The following TRIQK variants were observed in gnomAD, a reference collection of about 807,000 sequenced individuals.
TRIQK encodes the protein triple QxxK/R motif containing.
A neutral mutation model predicts 10.8 loss-of-function variants in TRIQK; 10 were observed. That is an observed-to-expected ratio of 0.92 (90% CI 0.57 to 1.57). The LOEUF (loss-of-function observed/expected upper bound fraction) is 1.57, where lower values mean the gene tolerates loss of function less well. TRIQK is among the 40% of genes most tolerant of loss of function. The probability of loss-of-function intolerance (pLI) is 0.00; values close to 1 mark genes in which losing one functional copy is unlikely to be tolerated. For missense variants in TRIQK, 107 were observed against 97.7 expected (o/e 1.09, Z -0.40); for synonymous variants, 33 against 33.7 (o/e 0.98, Z 0.07).
intron 4 of TRIQK, among the ~76,000 whole-genome samples, chr8:92,890,200 A>G (rs937805985): frequency 6.6e-6 from 1 of 151,822 alleles, no homozygotes; most frequent in African/African-American, 2.4e-5. Context: ...CAAATTAATT[A>G]GTATGCCAGA....
intron 1 of TRIQK, among the ~76,000 whole-genome samples, chr8:92,959,639 T>C (rs1307411260): frequency 6.6e-6 from 1 of 152,012 alleles, no homozygotes; most frequent in Admixed American, 6.6e-5. Flanking sequence ...GCTCCTCAAC[T>C]TACCGTGGGT....
chr8:93,015,779 T>A (rs1483215586), intron 1 of TRIQK, among the ~76,000 whole-genome samples: 1 of 152,036 alleles, frequency 6.6e-6, no homozygotes, highest in Non-Finnish European at 1.5e-5. Flanking sequence ...TCTATTCAAC[T>A]GATATAAATG....
At chr8:93,008,066 C>T (rs1403819855) in intron 1 of TRIQK, among the ~76,000 whole-genome samples, 1 of 152,120 alleles carries the variant, frequency 6.6e-6, no homozygotes, top group Non-Finnish European at 1.5e-5. Flanking sequence ...CATGTTCTCA[C>T]TTATAAGTGG....
chr8:93,001,457 T>C (rs142576390), intron 1 of TRIQK, among the ~76,000 whole-genome samples: 1 of 151,786 alleles, frequency 6.6e-6, no homozygotes, highest in Non-Finnish European at 1.5e-5. Context: ...TCGATGCAAA[T>C]AGAAACCAAA....
Position 92,915,375 on chromosome 8 carries a change from G to T in TRIQK, c.61+1554C>A, listed in dbSNP as rs537092008. Among the ~76,000 whole-genome samples, 62 of 152,094 alleles carry T rather than the reference G, an allele frequency of 4.1e-4. 1 individual carries two copies. Among genetic ancestry groups the T allele is most frequent in the Admixed American group, 3.9e-3 (60 of 15,272 alleles). ...TAGGACTCTTACCACACACAGAAAA[G>T]GTACTATGTGAGATGATGCATATTT... On this transcript the variant is annotated intron_variant, in intron 3 of 4. Coordinates refer to ENST00000521988, the MANE Select transcript of TRIQK (RefSeq NM_001171797.2).
intron 3 of TRIQK, among the ~76,000 whole-genome samples, chr8:92,915,893 A>C (rs1438022569): frequency 6.6e-6 from 1 of 152,012 alleles, no homozygotes; most frequent in Non-Finnish European, 1.5e-5. Context: ...ATTTTGCTTT[A>C]TAGAGCGTAC....
At chr8:92,998,559 ATTTG>A (rs1813176172) in intron 1 of TRIQK, among the ~76,000 whole-genome samples, 2 of 152,046 alleles carry the variant, frequency 1.3e-5, no homozygotes, top group African/African-American at 4.8e-5. Context: ...AAACTCCCCC[ATTTG>A]GTGAAAAGGA....
chr8:92,976,880 T>C (rs538022749), intron 1 of TRIQK, among the ~76,000 whole-genome samples: 132 of 152,126 alleles, frequency 8.7e-4, no homozygotes, highest in African/African-American at 3.0e-3. Flanking sequence ...ATTTCACATA[T>C]AGTTAAAGAA....
intron 1 of TRIQK, among the ~76,000 whole-genome samples, chr8:92,994,966 C>T (rs1395465649): frequency 6.6e-6 from 1 of 151,974 alleles, no homozygotes; most frequent in African/African-American, 2.4e-5. Flanking sequence ...TACTAATTCA[C>T]AGTCACAATA....
At chr8:93,006,034 CAAAA>C (rs58693078) in intron 1 of TRIQK, among the ~76,000 whole-genome samples, 20,597 of 130,942 alleles carry the variant, frequency 0.16, 1,438 homozygotes, top group East Asian at 0.23. Flanking sequence ...AAAAAATAAG[CAAAA>C]AAAAAAAAAA....
chr8:92,955,681 A>G (rs1468577939), intron 1 of TRIQK, among the ~76,000 whole-genome samples: 3 of 151,812 alleles, frequency 2.0e-5, no homozygotes, highest in Admixed American at 6.6e-5. Flanking sequence ...TATATATAAT[A>G]AAAGTCTTAT....
chr8:92,960,177 C>T (rs1048225468), intron 1 of TRIQK, among the ~76,000 whole-genome samples: 4 of 151,886 alleles, frequency 2.6e-5, no homozygotes, highest in African/African-American at 7.3e-5. Flanking sequence ...ATACTCTGTT[C>T]TTTTCTTCAG....
chr8:92,922,832 A>G (rs1810256901), intron 2 of TRIQK, among the ~76,000 whole-genome samples: 4 of 151,684 alleles, frequency 2.6e-5, no homozygotes, highest in Admixed American at 2.6e-4. Flanking sequence ...TTAGAGAAAA[A>G]CTGGTTTAAA....
chr8:92,993,636 A>C (rs1200480495), intron 1 of TRIQK, among the ~76,000 whole-genome samples: 1 of 152,126 alleles, frequency 6.6e-6, no homozygotes, highest in Non-Finnish European at 1.5e-5. Context: ...CCATCCAATC[A>C]TGGAGATATC....
At chr8:92,930,096 G>T (rs1810634425) in intron 2 of TRIQK, among the ~76,000 whole-genome samples, 1 of 150,604 alleles carries the variant, frequency 6.6e-6, no homozygotes, top group African/African-American at 2.4e-5. Flanking sequence ...GATTACAATA[G>T]GCTGGGCACA....
At chr8:92,947,164 T>C (rs1811580727) in intron 2 of TRIQK, among the ~76,000 whole-genome samples, 1 of 152,166 alleles carries the variant, frequency 6.6e-6, no homozygotes, top group Non-Finnish European at 1.5e-5. Context: ...TACAAAAATC[T>C]AGTTATTAAG....
upstream of TRIQK, among the ~76,000 whole-genome samples, chr8:92,970,889 G>T (rs1812867975): frequency 6.6e-6 from 1 of 152,094 alleles, no homozygotes; most frequent in Non-Finnish European, 1.5e-5. Context: ...GTCCTGAATG[G>T]TACTGCCTAG....
intron 1 of TRIQK, among the ~76,000 whole-genome samples, chr8:92,996,041 C>G (rs1201245119): frequency 2.0e-5 from 3 of 152,058 alleles, no homozygotes; most frequent in African/African-American, 7.2e-5. Context: ...GATCTTCATT[C>G]TCACCAGTTT....
chr8:92,965,675 CGCTGGCAGG>C (rs1458099229), intron 1 of TRIQK: 4 of 152,482 alleles, frequency 2.6e-5, no homozygotes, highest in Admixed American at 2.6e-4. Flanking sequence ...GCGCCAGACA[CGCTGGCAGG>C]GCGGGAACCG....
Sources: allele counts gnomAD v4.1 joint callset (sites outside exome capture counted in the v4.1 genomes callset), GRCh38; gene constraint gnomAD v4.1.1; transcripts MANE v1.5; gene names NCBI Gene and HGNC (gene_info 2026-07-23, HGNC 2026-07-21).